IQGAP2: variants seen among roughly 807,000 people sequenced by gnomAD.
IQGAP2 encodes IQ motif containing GTPase activating protein 2, also known as ras GTPase-activating-like protein IQGAP2.
Under a neutral mutation model 201.3 loss-of-function variants are expected in IQGAP2, and 173 were observed. The ratio of observed to expected loss-of-function variants is 0.86; its 90% CI spans 0.76 to 0.98. The LOEUF (loss-of-function observed/expected upper bound fraction) is 0.98. IQGAP2 is among the 50% of genes least tolerant of loss of function. IQGAP2 has a pLI of 0.00. For missense variants in IQGAP2, 1,687 were observed against 1,864.8 expected (o/e 0.90, Z 1.76); for synonymous variants, 675 against 673.9 (o/e 1.00, Z -0.03).
chr5:76,598,606 G>A (rs961762988), intron 10 of IQGAP2, among the ~76,000 whole-genome samples: 10 of 152,186 alleles, frequency 6.6e-5, no homozygotes, highest in Non-Finnish European at 1.3e-4. Context: ...CTCCTACACA[G>A]CTGCTGGGAG....
chr5:76,577,847 G>A (rs1454458793), intron 5 of IQGAP2, among the ~76,000 whole-genome samples: 1 of 152,178 alleles, frequency 6.6e-6, no homozygotes, highest in African/African-American at 2.4e-5. Flanking sequence ...TGCAAATACA[G>A]CACTGCTGCT....
rs191276179 is a variant in IQGAP2, at chr5:76,642,214, G to A, written c.2094+1111G>A. On this transcript the variant is annotated intron_variant, in intron 17 of 35. Transcript: ENST00000274364. ...GACTCTAATTTTGCACAAATTTCAC[G>A]TGTCAGCCAATATAAAATTGGGACC... 4.6e-4 allele frequency among the ~76,000 whole-genome samples: 70 copies of A among 152,094 alleles called. 1 individual carries two copies. Among genetic ancestry groups the A allele is most frequent in the Admixed American group, 2.9e-3 (44 of 15,260 alleles).
intron 16 of IQGAP2, among the ~76,000 whole-genome samples, chr5:76,638,441 G>A (rs572243126): frequency 1.1e-4 from 16 of 152,234 alleles, no homozygotes; most frequent in African/African-American, 3.9e-4. Flanking sequence ...GCTTTTTCTC[G>A]TTATAAACAA....
chr5:76,695,835 CTTT>C (rs56984768), intron 32 of IQGAP2, among the ~76,000 whole-genome samples, 169 bp downstream of exon 32: 1 of 83,084 alleles, frequency 1.2e-5, no homozygotes, highest in Non-Finnish European at 2.1e-5. Flanking sequence ...CAGTTGATGA[CTTT>C]TTTTTTTTTT....
At chr5:76,567,537 A>G (rs1162019286) in intron 3 of IQGAP2, among the ~76,000 whole-genome samples, 1 of 152,218 alleles carries the variant, frequency 6.6e-6, no homozygotes, top group African/African-American at 2.4e-5. Flanking sequence ...AGACATGAGC[A>G]TCTAGTGAAT....
At chr5:76,461,508 T>A in intron 1 of IQGAP2, 62 bp from the exon 2 acceptor site, 1 of 1,109,116 alleles carries the variant, frequency 9.0e-7, no homozygotes, top group South Asian at 1.3e-5. Flanking sequence ...TCTGATTGAT[T>A]GTCTCAGGTG....
chr5:76,681,485 G>T (rs1393127400), intron 28 of IQGAP2, among the ~76,000 whole-genome samples: 1 of 151,406 alleles, frequency 6.6e-6, no homozygotes, highest in Admixed American at 6.6e-5. Flanking sequence ...AACTGAAACT[G>T]CAAGGAGATA....
At chr5:76,410,579 A>G (rs1751053623) in intron 1 of IQGAP2, among the ~76,000 whole-genome samples, 1 of 152,012 alleles carries the variant, frequency 6.6e-6, no homozygotes, top group African/African-American at 2.4e-5. Context: ...TTTTGGATGA[A>G]CAGCTTTGCC....
rs1329932688 is a variant in IQGAP2, at chr5:76,669,530, T to C, written c.2843+686T>C. 6.6e-5 allele frequency among the ~76,000 whole-genome samples: 10 copies of C among 152,170 alleles called. No individual in the cohort carries two copies. In the East Asian group the frequency reaches 1.7e-3, roughly 26 times the overall value. On this transcript the variant is annotated intron_variant, in intron 23 of 35. Transcript: ENST00000274364. ...GAAGGACATGTACAATGTATCAGGT[T>C]AGAGGACAGGAGGAAAGATTCCAAC...
intron 1 of IQGAP2, among the ~76,000 whole-genome samples, chr5:76,435,945 T>C (rs1752624179): frequency 6.7e-6 from 1 of 149,100 alleles, no homozygotes; most frequent in African/African-American, 2.6e-5. Flanking sequence ...TGTTTGTTTG[T>C]TTGTTTGTTT....
At chr5:76,443,920 C>A (rs1753204814) in intron 1 of IQGAP2, among the ~76,000 whole-genome samples, 1 of 152,092 alleles carries the variant, frequency 6.6e-6, no homozygotes, top group Non-Finnish European at 1.5e-5. Flanking sequence ...TATAATTTGG[C>A]TACAGGAGGG....
At chr5:76,670,377 G>A (rs1168546321) in intron 23 of IQGAP2, among the ~76,000 whole-genome samples, 1 of 152,140 alleles carries the variant, frequency 6.6e-6, no homozygotes, top group Non-Finnish European at 1.5e-5. Context: ...AGCCAGACAT[G>A]GTGGCGGGCG....
chr5:76,438,701 C>T (rs1326224902), intron 1 of IQGAP2, among the ~76,000 whole-genome samples: 1 of 152,156 alleles, frequency 6.6e-6, no homozygotes, highest in Non-Finnish European at 1.5e-5. Context: ...CCTTGGCCTC[C>T]CAAAGTGCTG....
chr5:76,555,048 A>G (rs892768826), intron 2 of IQGAP2, among the ~76,000 whole-genome samples: 3 of 152,232 alleles, frequency 2.0e-5, no homozygotes, highest in African/African-American at 4.8e-5. Context: ...AAAGGTCACA[A>G]AAGGCCACAT....
At chr5:76,479,402 A>G (rs944968636) in intron 2 of IQGAP2, among the ~76,000 whole-genome samples, 1 of 151,900 alleles carries the variant, frequency 6.6e-6, no homozygotes, top group African/African-American at 2.4e-5. Context: ...ATAGCCTTTG[A>G]ATGATTTTCA....
intron 1 of IQGAP2, among the ~76,000 whole-genome samples, chr5:76,433,564 C>T (rs987635765): frequency 6.6e-6 from 1 of 152,202 alleles, no homozygotes; most frequent in East Asian, 1.9e-4. Flanking sequence ...TGTTGCTAGC[C>T]TCCTAAGTAC....
chr5:76,415,189 T>G (rs931316251), intron 1 of IQGAP2, among the ~76,000 whole-genome samples: 1 of 152,134 alleles, frequency 6.6e-6, no homozygotes, highest in African/African-American at 2.4e-5. Context: ...AAAGCAAATG[T>G]GTGTTTTGGA....
chr5:76,491,918 A>G (rs1222771078), intron 2 of IQGAP2, among the ~76,000 whole-genome samples: 2 of 151,754 alleles, frequency 1.3e-5, no homozygotes, highest in Non-Finnish European at 1.5e-5. Flanking sequence ...TGCACCTCCC[A>G]TGGCTCCACA....
chr5:76,693,098 T>C (rs1746417712), intron 30 of IQGAP2, among the ~76,000 whole-genome samples: 1 of 152,248 alleles, frequency 6.6e-6, no homozygotes, highest in Non-Finnish European at 1.5e-5. Context: ...AATCTTGTGA[T>C]ACACTTGTGC....
Sources: gnomAD v4.1 joint callset for allele counts (sites outside exome capture counted in the v4.1 genomes callset) on GRCh38, gnomAD v4.1.1 for gene constraint, MANE v1.5 for transcripts, NCBI Gene and HGNC (gene_info 2026-07-23, HGNC 2026-07-21) for gene names.